Variants in CEP63 observed in about 807,000 individuals in gnomAD.
CEP63 encodes the protein centrosomal protein of 63 kDa.
Under a neutral mutation model 89.1 loss-of-function variants are expected in CEP63, and 84 were observed. The observed-to-expected ratio is 0.94, with a 90% CI of 0.79 to 1.13. The LOEUF is 1.13. CEP63 is among the 50% of genes most tolerant of loss of function. The probability of loss-of-function intolerance (pLI) is 0.00; values close to 1 mark genes in which losing one functional copy is unlikely to be tolerated. For synonymous variants in CEP63, 267 were observed against 272.5 expected (o/e 0.98, Z 0.20); for missense variants, 838 against 813.3 (o/e 1.03, Z -0.37).
chr3:134,728,958 C>T, the CEP63 span, among the ~76,000 whole-genome samples: 2 of 152,050 alleles, frequency 1.3e-5, no homozygotes, highest in Non-Finnish European at 2.9e-5. Context: ...TTATTATATT[C>T]CATGTACATT....
At chr3:134,578,657 A>T (rs140591897), downstream of CEP63, among the ~76,000 whole-genome samples, 1,152 of 151,920 alleles carry the variant, frequency 7.6e-3, 17 homozygotes, top group African/African-American at 0.026. Flanking sequence ...GCATTTCTTT[A>T]ATGATCAGTG....
chr3:134,648,685 C>T, the CEP63 span, among the ~76,000 whole-genome samples: 1 of 152,188 alleles, frequency 6.6e-6, no homozygotes, highest in African/African-American at 2.4e-5. Context: ...CCACACTCTC[C>T]TTGCCTTCTT....
At chr3:134,604,643 C>T in the CEP63 span, among the ~76,000 whole-genome samples, 1 of 152,330 alleles carries the variant, frequency 6.6e-6, no homozygotes, top group South Asian at 2.1e-4. Context: ...ACCAATATGA[C>T]TTCACTGAGC....
chr3:134,673,067 G>T, the CEP63 span, among the ~76,000 whole-genome samples: 3 of 152,138 alleles, frequency 2.0e-5, no homozygotes, highest in African/African-American at 4.8e-5. Context: ...AAAACTCCAG[G>T]ATTCAACTGC....
At position 134,546,249 on chromosome 3, in the gene CEP63, T is replaced by C; in HGVS notation, c.890T>C (p.Val297Ala). ...RIQKEKLQEK[V>A]KATNTQHAVE... is the part of the protein sequence containing the mutation. ...CAAAAGGAGAAGTTACAAGAAAAAG[T>C]AAAGGCAACTAACACTCAACATGCT... The change falls in exon 8 of 15, where the codon GTA becomes GCA. Residue 297 changes from valine to alanine, a missense_variant. Val to Ala is a moderately conservative substitution (Grantham distance 64). Coordinates refer to ENST00000675561, the MANE Select transcript of CEP63 (RefSeq NM_001353108.3). 6.2e-7 allele frequency: 1 copy of C among 1,613,786 alleles called. No homozygotes were observed. Among genetic ancestry groups the C allele is most frequent in the Admixed American group, 1.7e-5 (1 of 60,018 alleles).
chr3:134,719,042 G>A, the CEP63 span, among the ~76,000 whole-genome samples: 7 of 152,312 alleles, frequency 4.6e-5, no homozygotes, highest in African/African-American at 1.7e-4. Context: ...TTGAATCCAG[G>A]CTTTCTTCAT....
At chr3:134,624,818 G>A in the CEP63 span, among the ~76,000 whole-genome samples, 1 of 152,174 alleles carries the variant, frequency 6.6e-6, no homozygotes, top group East Asian at 1.9e-4. Flanking sequence ...GTGTTGTATG[G>A]GGTGGGAGCA....
the CEP63 span, among the ~76,000 whole-genome samples, chr3:134,771,556 T>G: frequency 1.3e-5 from 1 of 75,296 alleles, no homozygotes. Context: ...CCAGATGATG[T>G]CGATGTTGCT....
chr3:134,516,006 A>G (rs1045338566), intron 3 of CEP63, among the ~76,000 whole-genome samples: 9 of 152,152 alleles, frequency 5.9e-5, no homozygotes, highest in Admixed American at 2.0e-4. Flanking sequence ...GACTTGGAAA[A>G]GAAAGAGACA....
chr3:134,598,495 T>C, the CEP63 span, among the ~76,000 whole-genome samples: 95,929 of 152,064 alleles, frequency 0.63, 30,763 homozygotes, highest in East Asian at 0.87. Flanking sequence ...CGTCCTAGTG[T>C]GATAAGAATA....
intron 1 of CEP63, chr3:134,486,418 A>C (rs1197101817): frequency 4.1e-6 from 4 of 985,340 alleles, no homozygotes; most frequent in Non-Finnish European, 4.8e-6. Context: ...CCCGAAGCCC[A>C]GTCCCTCGGC....
chr3:134,747,424 C>A, the CEP63 span, among the ~76,000 whole-genome samples: 4 of 152,202 alleles, frequency 2.6e-5, no homozygotes, highest in African/African-American at 9.7e-5. Context: ...ACTAAACAGA[C>A]AATCTCAATT....
At chr3:134,582,892 C>A (rs934565476) in intron 10 of CEP63, among the ~76,000 whole-genome samples, 11 of 152,178 alleles carry the variant, frequency 7.2e-5, no homozygotes, top group African/African-American at 2.7e-4. Context: ...GAGATGGTAT[C>A]TCATTGTGGT....
At chr3:134,722,550 T>C in the CEP63 span, among the ~76,000 whole-genome samples, 1 of 152,146 alleles carries the variant, frequency 6.6e-6, no homozygotes, top group African/African-American at 2.4e-5. Flanking sequence ...CTTTCTTTCA[T>C]TCATTTCCAT....
At chr3:134,665,294 G>C in the CEP63 span, among the ~76,000 whole-genome samples, 5 of 152,214 alleles carry the variant, frequency 3.3e-5, no homozygotes, top group Non-Finnish European at 5.9e-5. Context: ...CCTGGATCTG[G>C]GGAAAGGCTA....
the CEP63 span, among the ~76,000 whole-genome samples, chr3:134,625,868 C>G: frequency 6.6e-6 from 1 of 152,256 alleles, no homozygotes; most frequent in East Asian, 1.9e-4. Flanking sequence ...AGTCAGGTCT[C>G]TGAGACAGAG....
chr3:134,610,447 T>C, the CEP63 span: 12 of 1,431,836 alleles, frequency 8.4e-6, no homozygotes, highest in Admixed American at 4.0e-5. Context: ...AGTCTGTCCA[T>C]GGTCTCAGGT....
chr3:134,511,444 A>G (rs1038924010), intron 3 of CEP63: 1 of 153,892 alleles, frequency 6.5e-6, no homozygotes, highest in African/African-American at 2.4e-5. Flanking sequence ...TCTTTCAAGT[A>G]TGTGTTATAA....
intron 5 of CEP63, among the ~76,000 whole-genome samples, chr3:134,533,467 G>A (rs891767453): frequency 1.3e-5 from 2 of 152,172 alleles, no homozygotes; most frequent in Non-Finnish European, 2.9e-5. Flanking sequence ...CCATTTAGAT[G>A]TAGTAAGGCA....
Sources: gnomAD v4.1 joint callset for allele counts (sites outside exome capture counted in the v4.1 genomes callset) on GRCh38, gnomAD v4.1.1 for gene constraint, MANE v1.5 for transcripts, NCBI Gene and HGNC (gene_info 2026-07-23, HGNC 2026-07-21) for gene names.